MAP7: variants seen among roughly 807,000 people sequenced by gnomAD.
The protein encoded by MAP7 is ensconsin.
Under a neutral mutation model 94.8 loss-of-function variants are expected in MAP7, and 52 were observed. The observed-to-expected ratio is 0.55, with a 90% CI of 0.44 to 0.69. The LOEUF is 0.69. MAP7 is among the 30% of genes least tolerant of loss of function. MAP7 has a pLI of 0.00. For synonymous variants in MAP7, 350 were observed against 357.0 expected, an observed-to-expected ratio of 0.98 and a Z score of 0.22; for missense variants, 940 against 964.6, an observed-to-expected ratio of 0.97 and a Z score of 0.34.
At chr6:136,531,118 T>C (rs1828447250) in intron 1 of MAP7, among the ~76,000 whole-genome samples, 1 of 145,162 alleles carries the variant, frequency 6.9e-6, no homozygotes, top group African/African-American at 2.8e-5. Context: ...TCTTGTTCAT[T>C]ACTCTCATTG....
chr6:136,372,270 G>C (rs1436831647), intron 8 of MAP7, among the ~76,000 whole-genome samples: 3 of 152,204 alleles, frequency 2.0e-5, no homozygotes, highest in Non-Finnish European at 4.4e-5. Flanking sequence ...ACAAAGAACA[G>C]CTTTCATCTT....
At chr6:136,511,673 C>G (rs984594290) in intron 1 of MAP7, among the ~76,000 whole-genome samples, 9 of 152,158 alleles carry the variant, frequency 5.9e-5, no homozygotes, top group African/African-American at 2.2e-4. Flanking sequence ...TCCTAATCCA[C>G]AGAGCAGCAG....
chr6:136,393,122 T>C (rs1475949647), intron 3 of MAP7, among the ~76,000 whole-genome samples: 5 of 152,176 alleles, frequency 3.3e-5, no homozygotes, highest in Non-Finnish European at 7.3e-5. Flanking sequence ...ACTCCTCTGA[T>C]TTGTACAGTC....
intron 1 of MAP7, among the ~76,000 whole-genome samples, chr6:136,489,991 G>GAT (rs201740398): frequency 2.6e-5 from 4 of 152,056 alleles, no homozygotes; most frequent in East Asian, 3.9e-4. Flanking sequence ...TCCTCTTCCA[G>GAT]ATATATATAT....
chr6:136,411,650 C>A lies in MAP7; in HGVS notation c.214G>T (p.Glu72Ter). The change falls in exon 3 of 18, where the codon GAG becomes TAG. Residue 72 changes from glutamate to a stop codon, truncating the protein, a stop_gained. Coordinates refer to ENST00000354570, the MANE Select transcript of MAP7 (RefSeq NM_003980.6). LOFTEE classifies it high-confidence loss of function. ...TGTTTCTCCCGTTCCTCACGTCGCT[C>A]CCGGGCCAGCCGCTGCCGGTCATCA... is the stretch of plus-strand genomic sequence containing the variant. ...RVDDRQRLAR[E>*]RREEREKQLA... 1 of 1,564,320 alleles carries A rather than the reference C, an allele frequency of 6.4e-7. No homozygotes were observed. Among genetic ancestry groups the A allele is most frequent in the Non-Finnish European group, 8.7e-7 (1 of 1,153,160 alleles).
chr6:136,539,703 G>A (rs1317333567), intron 1 of MAP7, among the ~76,000 whole-genome samples: 3 of 152,172 alleles, frequency 2.0e-5, no homozygotes, highest in Non-Finnish European at 4.4e-5. Flanking sequence ...TGTAAGCTGG[G>A]TGTGGTGGCT....
intron 2 of MAP7, among the ~76,000 whole-genome samples, chr6:136,415,016 G>C (rs1788909322): frequency 6.6e-6 from 1 of 151,946 alleles, no homozygotes; most frequent in Non-Finnish European, 1.5e-5. Context: ...TCACCATGTT[G>C]GTCAGGCTGG....
chr6:136,486,056 G>A (rs1441135277), intron 1 of MAP7, among the ~76,000 whole-genome samples: 1 of 151,948 alleles, frequency 6.6e-6, no homozygotes, highest in Non-Finnish European at 1.5e-5. Flanking sequence ...GCTTGCTGCT[G>A]TATCTACACA....
intron 10 of MAP7, chr6:136,364,919 C>G (rs1426306708): frequency 1.3e-5 from 2 of 152,342 alleles, no homozygotes; most frequent in East Asian, 3.8e-4. Context: ...ATTCCTGACC[C>G]AAGAATCCAT....
At chr6:136,518,691 G>T (rs1479183270) in intron 1 of MAP7, among the ~76,000 whole-genome samples, 1 of 152,128 alleles carries the variant, frequency 6.6e-6, no homozygotes, top group East Asian at 1.9e-4. Flanking sequence ...CATAGTCAAG[G>T]TGCCTGGAGC....
intron 1 of MAP7, among the ~76,000 whole-genome samples, chr6:136,486,375 G>T (rs890236710): frequency 6.6e-6 from 1 of 152,230 alleles, no homozygotes; most frequent in African/African-American, 2.4e-5. Flanking sequence ...CTGCAAACAG[G>T]AGAGTTGCAG....
At chr6:136,510,808 T>TA (rs1823042386) in intron 1 of MAP7, among the ~76,000 whole-genome samples, 1 of 152,178 alleles carries the variant, frequency 6.6e-6, no homozygotes, top group African/African-American at 2.4e-5. Flanking sequence ...AAACATAGTA[T>TA]ATACATATAG....
chr6:136,486,717 T>C (rs1814901478), intron 1 of MAP7, among the ~76,000 whole-genome samples: 1 of 152,182 alleles, frequency 6.6e-6, no homozygotes, highest in Admixed American at 6.5e-5. Flanking sequence ...ATTTACAGTT[T>C]ACAGGTCACT....
At chr6:136,366,480 C>T (rs376388004) in intron 8 of MAP7, 41 bp from the exon 9 acceptor site, 34 of 1,358,768 alleles carry the variant, frequency 2.5e-5, no homozygotes, top group Non-Finnish European at 3.3e-5. Flanking sequence ...TTTCCACAAG[C>T]GAGGCAAACA....
intron 1 of MAP7, among the ~76,000 whole-genome samples, chr6:136,429,353 C>A (rs528120500): frequency 5.9e-5 from 9 of 152,268 alleles, no homozygotes; most frequent in East Asian, 5.8e-4. Context: ...AAATCTGAAA[C>A]CCTTCCATTT....
chr6:136,415,711 T>C (rs993894577), intron 2 of MAP7, among the ~76,000 whole-genome samples: 1 of 152,282 alleles, frequency 6.6e-6, no homozygotes, highest in African/African-American at 2.4e-5. Context: ...AACTGCGTCC[T>C]GTTTGGTAAG....
At chr6:136,423,201 T>G (rs1020539368) in intron 1 of MAP7, among the ~76,000 whole-genome samples, 4 of 152,206 alleles carry the variant, frequency 2.6e-5, no homozygotes, top group African/African-American at 9.7e-5. Flanking sequence ...GGTTTGAGTG[T>G]GTTTTGGAGT....
chr6:136,468,243 TG>T (rs1474700650), intron 1 of MAP7, among the ~76,000 whole-genome samples: 1 of 152,114 alleles, frequency 6.6e-6, no homozygotes, highest in African/African-American at 2.4e-5. Flanking sequence ...CATTATAGAC[TG>T]GATAATTCTT....
chr6:136,411,839 A>C, intron 2 of MAP7, 142 bp from the exon 3 acceptor site: 2 of 629,364 alleles, frequency 3.2e-6, no homozygotes, highest in Non-Finnish European at 2.7e-6. Flanking sequence ...ACATGTGACT[A>C]GAGTTACAGT....
Sources: gnomAD v4.1 joint callset for allele counts (sites outside exome capture counted in the v4.1 genomes callset) on GRCh38, gnomAD v4.1.1 for gene constraint, MANE v1.5 for transcripts, NCBI Gene and HGNC (gene_info 2026-07-23, HGNC 2026-07-21) for gene names.